EPC2: variants seen among roughly 807,000 people sequenced by gnomAD.
The protein encoded by EPC2 is enhancer of polycomb homolog 2.
Under a neutral mutation model 92.1 loss-of-function variants are expected in EPC2, and 14 were observed. The observed-to-expected ratio is 0.15, with a 90% confidence interval of 0.10 to 0.24. The LOEUF (loss-of-function observed/expected upper bound fraction) is 0.24. EPC2 is among the 10% of genes least tolerant of loss of function. The pLI, the probability that EPC2 is intolerant of heterozygous loss-of-function variation, is 1.00. For missense variants in EPC2, 755 were observed against 971.5 expected (o/e 0.78, Z 2.96); for synonymous variants, 340 against 334.7 (o/e 1.02, Z -0.17).
At chr2:148,745,638 A>G (rs1682972461) in intron 3 of EPC2, among the ~76,000 whole-genome samples, 2 of 152,116 alleles carry the variant, frequency 1.3e-5, no homozygotes, top group South Asian at 2.1e-4. Context: ...AATGGAAAGT[A>G]AAAGTGGAGG....
intron 1 of EPC2, among the ~76,000 whole-genome samples, chr2:148,669,365 G>T (rs1407691388): frequency 6.6e-6 from 1 of 152,050 alleles, no homozygotes; most frequent in East Asian, 1.9e-4. Context: ...CTTGAGCTTT[G>T]TTCTGGGATG....
chr2:148,663,878 A>G (rs1681004731), intron 1 of EPC2, among the ~76,000 whole-genome samples: 1 of 152,040 alleles, frequency 6.6e-6, no homozygotes, highest in Admixed American at 6.6e-5. Context: ...TCCTATGACA[A>G]TCTAATGCTG....
At chr2:148,776,071 G>A (rs1015278001) in intron 10 of EPC2, among the ~76,000 whole-genome samples, 12 of 152,060 alleles carry the variant, frequency 7.9e-5, no homozygotes, top group Middle Eastern at 3.4e-3. Flanking sequence ...GTGAGCCACC[G>A]CGCCCGGCCA....
intron 2 of EPC2, among the ~76,000 whole-genome samples, chr2:148,709,643 CAG>C (rs1199811313): frequency 3.9e-5 from 6 of 152,162 alleles, no homozygotes; most frequent in African/African-American, 1.4e-4. Flanking sequence ...GGTACCAAAA[CAG>C]AGATATAAAC....
intron 1 of EPC2, among the ~76,000 whole-genome samples, chr2:148,679,187 TTTC>T (rs1337137768): frequency 1.3e-5 from 2 of 152,352 alleles, no homozygotes; most frequent in Admixed American, 6.5e-5. Flanking sequence ...TTTAGCTCAG[TTTC>T]TTCTTATTTA....
intron 10 of EPC2, among the ~76,000 whole-genome samples, chr2:148,780,679 AGT>A (rs1372573566): frequency 2.6e-5 from 4 of 152,158 alleles, no homozygotes; most frequent in Non-Finnish European, 5.9e-5. Context: ...TCTGCATTAT[AGT>A]AGATAGTAAA....
intron 1 of EPC2, among the ~76,000 whole-genome samples, chr2:148,671,730 C>T (rs1033044535): frequency 1.3e-5 from 2 of 152,034 alleles, no homozygotes; most frequent in African/African-American, 2.4e-5. Flanking sequence ...AACTTTTGTC[C>T]GTCCCTTTAT....
At chr2:148,739,633 C>T (rs1000718246) in intron 2 of EPC2, among the ~76,000 whole-genome samples, 7 of 152,104 alleles carry the variant, frequency 4.6e-5, no homozygotes, top group African/African-American at 1.7e-4. Context: ...ATACCCACTT[C>T]CTTACCTACA....
chr2:148,703,476 T>A (rs1040657429), intron 2 of EPC2, among the ~76,000 whole-genome samples: 6 of 152,096 alleles, frequency 3.9e-5, no homozygotes, highest in Non-Finnish European at 5.9e-5. Flanking sequence ...AAAAAACGTT[T>A]CAGGATCCTT....
At chr2:148,736,195 C>T (rs921335828) in intron 2 of EPC2, among the ~76,000 whole-genome samples, 1 of 152,092 alleles carries the variant, frequency 6.6e-6, no homozygotes, top group African/African-American at 2.4e-5. Flanking sequence ...TTTTTTAGTA[C>T]TCTCCAGAAA....
chr2:148,753,761 A>G (rs1683122374), intron 3 of EPC2, 166 bp from the exon 4 acceptor site: 3 of 585,370 alleles, frequency 5.1e-6, no homozygotes, highest in Non-Finnish European at 8.9e-6. Flanking sequence ...AAATCTCCTA[A>G]TTAATGATTC....
chr2:148,775,547 A>C (rs1683615667), intron 10 of EPC2, among the ~76,000 whole-genome samples: 1 of 150,122 alleles, frequency 6.7e-6, no homozygotes, highest in East Asian at 2.0e-4. Context: ...ACCTGTCATA[A>C]TATACAGAAT....
At chr2:148,685,260 T>G (rs202116476) in intron 1 of EPC2, among the ~76,000 whole-genome samples, 3,840 of 145,714 alleles carry the variant, frequency 0.026, 58 homozygotes, top group East Asian at 0.034. Context: ...GTTTTTTTTT[T>G]CTTTATTGTT....
intron 1 of EPC2, among the ~76,000 whole-genome samples, chr2:148,689,806 G>T (rs995740151): frequency 6.6e-6 from 1 of 152,134 alleles, no homozygotes; most frequent in Non-Finnish European, 1.5e-5. Flanking sequence ...TACTGTTAAA[G>T]TTTGAAGTAA....
At chr2:148,777,426 A>C (rs1327185600) in intron 10 of EPC2, among the ~76,000 whole-genome samples, 1 of 152,188 alleles carries the variant, frequency 6.6e-6, no homozygotes, top group Non-Finnish European at 1.5e-5. Context: ...ACAAAGGCAC[A>C]AGCACAAAAA....
intron 2 of EPC2, among the ~76,000 whole-genome samples, chr2:148,738,045 C>T (rs1322236565): frequency 1.3e-5 from 2 of 152,158 alleles, no homozygotes; most frequent in Non-Finnish European, 2.9e-5. Context: ...TCTGCTAATA[C>T]ATGCCATTTA....
At chr2:148,656,783 A>G (rs1680810908) in intron 1 of EPC2, among the ~76,000 whole-genome samples, 1 of 152,238 alleles carries the variant, frequency 6.6e-6, no homozygotes, top group South Asian at 2.1e-4. Context: ...CTTATTGCTT[A>G]GTAGGAGAGA....
At chr2:148,656,008 TGTG>T (rs1559139064) in intron 1 of EPC2, among the ~76,000 whole-genome samples, 4 of 99,872 alleles carry the variant, frequency 4.0e-5, no homozygotes, top group South Asian at 3.4e-4. Context: ...TAGCTGTGTG[TGTG>T]TGTGTGTGTG....
At chr2:148,685,137 T>C (rs1219226801) in intron 1 of EPC2, among the ~76,000 whole-genome samples, 1 of 152,170 alleles carries the variant, frequency 6.6e-6, no homozygotes, top group East Asian at 1.9e-4. Context: ...TAATCATTTA[T>C]AGGTTTTAGA....
Sources: allele counts gnomAD v4.1 joint callset (sites outside exome capture counted in the v4.1 genomes callset), GRCh38; gene constraint gnomAD v4.1.1; transcripts MANE v1.5; gene names NCBI Gene and HGNC (gene_info 2026-07-23, HGNC 2026-07-21).